The following PCCA variants were observed in gnomAD, a reference collection of about 807,000 sequenced individuals.
PCCA encodes propionyl-CoA carboxylase alpha chain, mitochondrial.
A neutral mutation model predicts 101.3 loss-of-function variants in PCCA; 74 were observed. The observed-to-expected ratio is 0.73, with a 90% CI of 0.61 to 0.89. PCCA has a LOEUF of 0.89. Among genes scored for constraint, PCCA ranks in the 40% least tolerant of loss-of-function variants. The probability of loss-of-function intolerance (pLI) is 0.00; values close to 1 mark genes in which losing one functional copy is unlikely to be tolerated. For synonymous variants in PCCA, 294 were observed against 313.6 expected (o/e 0.94, Z 0.66); for missense variants, 891 against 907.0 (o/e 0.98, Z 0.23).
intron 20 of PCCA, among the ~76,000 whole-genome samples, chr13:100,442,421 A>C (rs1184418626): frequency 6.6e-6 from 1 of 152,260 alleles, no homozygotes; most frequent in Non-Finnish European, 1.5e-5. Flanking sequence ...ATTGGTACTT[A>C]TACCTATGGT....
intron 4 of PCCA, among the ~76,000 whole-genome samples, chr13:100,121,348 T>TG (rs896068390): frequency 2.0e-5 from 3 of 151,784 alleles, no homozygotes; most frequent in Non-Finnish European, 2.9e-5. Flanking sequence ...TTAGTAGAGA[T>TG]GGGGTTTCAC....
chr13:100,285,348 A>G (rs139880512), intron 12 of PCCA, among the ~76,000 whole-genome samples: 55 of 152,302 alleles, frequency 3.6e-4, no homozygotes, highest in African/African-American at 1.3e-3. Context: ...CCCACAGTAC[A>G]AAGCTTCTCT....
rs1483417644 is a variant in PCCA at position 100,526,053 on chromosome 13, C to T, written c.2041-1622C>T. 3.3e-5 allele frequency among the ~76,000 whole-genome samples: 5 copies of T among 152,216 alleles called. No individual in the cohort carries two copies. In the East Asian group the frequency reaches 9.6e-4, roughly 29 times the overall value. ...TTCTAAGAGGACACGGCCAGGCTTC[C>T]AGGGTCCCCTGTGTGGAGCTGGCTG... On this transcript the variant is annotated intron_variant, in intron 22 of 23. Transcript: ENST00000376285.
intron 4 of PCCA, among the ~76,000 whole-genome samples, chr13:100,124,814 T>C (rs755993317): frequency 6.6e-6 from 1 of 152,218 alleles, no homozygotes; most frequent in Non-Finnish European, 1.5e-5. Flanking sequence ...TCTCTGTATA[T>C]ACATACACTT....
At chr13:100,103,512 A>G (rs948867056) in intron 2 of PCCA, among the ~76,000 whole-genome samples, 2 of 151,846 alleles carry the variant, frequency 1.3e-5, no homozygotes, top group Non-Finnish European at 2.9e-5. Flanking sequence ...GGGTTTCACC[A>G]TGTTGGCCAG....
At chr13:100,430,751 T>C (rs563129135) in intron 20 of PCCA, among the ~76,000 whole-genome samples, 1 of 152,346 alleles carries the variant, frequency 6.6e-6, no homozygotes, top group South Asian at 2.1e-4. Context: ...ACAGCCATGC[T>C]GTGGGGCCTG....
In PCCA at chr13:100,192,388, C is replaced by T. The variant is rs115927129; in HGVS notation, c.469-16944C>T. 3.2e-3 allele frequency among the ~76,000 whole-genome samples: 482 copies of T among 152,260 alleles called. 2 individuals carry two copies. Among genetic ancestry groups the T allele is most frequent in the African/African-American group, 0.011 (457 of 41,538 alleles). ...TTCCTAGGCTTACCACAGTGCCTGACGTAGAGTTGGTGTTGGCAGCTATTT... is the reference window on the plus strand; with the variant it reads ...TTCCTAGGCTTACCACAGTGCCTGATGTAGAGTTGGTGTTGGCAGCTATTT... On this transcript the variant is annotated intron_variant, in intron 6 of 23. Transcript: ENST00000376285.
At chr13:100,341,074 A>G (rs777502321) in intron 18 of PCCA, among the ~76,000 whole-genome samples, 2 of 152,212 alleles carry the variant, frequency 1.3e-5, no homozygotes, top group Non-Finnish European at 2.9e-5. Context: ...GGTTTTATTC[A>G]GGAAATCTCA....
chr13:100,170,164 A>G (rs1289995196), intron 6 of PCCA, among the ~76,000 whole-genome samples: 2 of 152,218 alleles, frequency 1.3e-5, no homozygotes, highest in East Asian at 3.8e-4. Flanking sequence ...GTGTTATGCT[A>G]TTTTAAACTT....
chr13:100,146,032 T>G (rs1416877601), intron 4 of PCCA, among the ~76,000 whole-genome samples: 1 of 149,762 alleles, frequency 6.7e-6, no homozygotes, highest in Non-Finnish European at 1.5e-5. Context: ...CTCTGCCTCC[T>G]GGGTTCAAGT....
chr13:100,216,862 A>G (rs934766567), intron 7 of PCCA, among the ~76,000 whole-genome samples: 35 of 152,140 alleles, frequency 2.3e-4, no homozygotes, highest in African/African-American at 8.4e-4. Flanking sequence ...TAATCCCAGC[A>G]CTTTGGGAGG....
intron 12 of PCCA, among the ~76,000 whole-genome samples, chr13:100,298,672 CTCCTTCCTTCCTTCCTTCCT>C (rs1162874306): frequency 0.012 from 36 of 3,102 alleles, no homozygotes; most frequent in African/African-American, 0.016. Flanking sequence ...CCCTCCCTCC[CTCCTTCCTTCCTTCCTTCCT>C]TCCTTCCTTC....
intron 6 of PCCA, chr13:100,198,468 GTTCA>G (rs34318074): frequency 0.44 from 65,139 of 149,154 alleles, 14,956 homozygotes; most frequent in Admixed American, 0.57. Flanking sequence ...CAGTTGCCAC[GTTCA>G]TTCATTCATT....
At chr13:100,180,475 C>T (rs2056691794) in intron 6 of PCCA, among the ~76,000 whole-genome samples, 2 of 152,156 alleles carry the variant, frequency 1.3e-5, no homozygotes, top group South Asian at 4.1e-4. Flanking sequence ...GTTTATTTTC[C>T]TCAGGCTGGA....
At chr13:100,295,274 A>G (rs1031969732) in intron 12 of PCCA, among the ~76,000 whole-genome samples, 4 of 152,210 alleles carry the variant, frequency 2.6e-5, no homozygotes, top group African/African-American at 9.6e-5. Flanking sequence ...AATAGCAACA[A>G]ACTACAAAGA....
intron 17 of PCCA, among the ~76,000 whole-genome samples, chr13:100,335,138 A>G (rs2070241795): frequency 6.6e-6 from 1 of 152,212 alleles, no homozygotes. Flanking sequence ...CAGCTAAGAT[A>G]TCGTCATCAA....
intron 19 of PCCA, among the ~76,000 whole-genome samples, chr13:100,419,035 G>A (rs2078571691): frequency 6.7e-6 from 1 of 149,220 alleles, no homozygotes; most frequent in African/African-American, 2.5e-5. Flanking sequence ...TTTTAAATAT[G>A]ATATTCCTTC....
intron 4 of PCCA, among the ~76,000 whole-genome samples, chr13:100,148,954 G>A (rs1335622820): frequency 6.6e-6 from 1 of 152,030 alleles, no homozygotes; most frequent in African/African-American, 2.4e-5. Context: ...ATGTCTTGGT[G>A]CTACACATGT....
At chr13:100,126,049 G>A (rs1012809670) in intron 4 of PCCA, among the ~76,000 whole-genome samples, 5 of 152,188 alleles carry the variant, frequency 3.3e-5, no homozygotes, top group Admixed American at 2.0e-4. Context: ...GAATTGGACA[G>A]GCAATGAGTT....
Sources: gnomAD v4.1 joint callset for allele counts (sites outside exome capture counted in the v4.1 genomes callset) on GRCh38, gnomAD v4.1.1 for gene constraint, MANE v1.5 for transcripts, NCBI Gene and HGNC (gene_info 2026-07-23, HGNC 2026-07-21) for gene names.